TBC1D30: variants seen among roughly 807,000 people sequenced by gnomAD.
TBC1D30 encodes the protein TBC1 domain family, member 30.
TBC1D30 carries 31 observed loss-of-function variants against 63.2 expected under a neutral mutation model. That is an observed-to-expected ratio of 0.49 (90% CI 0.37 to 0.66). TBC1D30 has a LOEUF of 0.66. TBC1D30 is among the 30% of genes least tolerant of loss of function. The pLI, the probability that TBC1D30 is intolerant of heterozygous loss-of-function variation, is 0.00. For synonymous variants in TBC1D30, 307 were observed against 361.5 expected (o/e 0.85, Z 1.71); for missense variants, 810 against 953.6 (o/e 0.85, Z 1.98).
chr12:64,848,376 C>A (rs1398180438), intron 8 of TBC1D30, among the ~76,000 whole-genome samples: 1 of 151,822 alleles, frequency 6.6e-6, no homozygotes, highest in South Asian at 2.1e-4. Flanking sequence ...TGGCCCCCAT[C>A]AACCTGTCAT....
chr12:64,773,555 G>A (rs954796076), intron 1 of TBC1D30, among the ~76,000 whole-genome samples: 2 of 152,202 alleles, frequency 1.3e-5, no homozygotes, highest in African/African-American at 4.8e-5. Context: ...CCCAACTGGG[G>A]TCTTCAGCCA....
intron 2 of TBC1D30, among the ~76,000 whole-genome samples, chr12:64,803,237 A>G (rs991467180): frequency 1.3e-5 from 2 of 152,178 alleles, no homozygotes. Flanking sequence ...TTGCATTTCT[A>G]TGATGGCTAG....
At position 64,878,712 on chromosome 12, in the gene TBC1D30, C is replaced by A; in HGVS notation, c.*2924C>A. On this transcript the variant is annotated 3_prime_UTR_variant, in exon 12 of 12. Transcript: ENST00000539867. ...CTCCCTTCTTCCTTCTTCCTTCACC[C>A]CCAACCCCAGACCCCCCTTGGTCAC... The A allele has an allele frequency of 2.7e-6, 1 of 368,422 alleles. No individual in the cohort carries two copies. The highest frequency in any genetic ancestry group is 7.3e-5 in the East Asian group (1 of 13,624). The allele number at this position is 368,422 out of a possible 1,614,324, so 22.8% of individuals were successfully genotyped here.
intron 2 of TBC1D30, among the ~76,000 whole-genome samples, chr12:64,804,717 C>T (rs995820539): frequency 6.6e-6 from 1 of 152,220 alleles, no homozygotes; most frequent in Admixed American, 6.5e-5. Flanking sequence ...CATTTTTTTC[C>T]TCTAAACCAC....
rs1482976316 is a variant in TBC1D30, at chr12:64,828,512, A to G, written c.282+3A>G. ...TACCAAAGGAATGGAGGAGAAAGGT[A>G]AGGAGGACTCATAGGGCTAGAATAC... On this transcript the variant is annotated splice_donor_region_variant and intron_variant, in intron 3 of 11. Transcript: ENST00000539867. 2 of 1,533,022 alleles carry G rather than the reference A, an allele frequency of 1.3e-6. No homozygotes were observed. Among genetic ancestry groups the G allele is most frequent in the South Asian group, 2.4e-5 (2 of 84,010 alleles). 95.0% of individuals were successfully genotyped at this position (1,533,022 alleles called of 1,614,324 possible). A position where few individuals can be genotyped will look rare whatever the true frequency, so the allele number is the denominator to read the frequency against.
At position 64,786,001 on chromosome 12, in the gene TBC1D30, G is replaced by GT; in HGVS notation, c.600dup (p.Asp201Ter). ...CTTCTGCATAAAGTGCAGAGGAACTGTGATATTGTGACTGCCTGCTTGCAG... is the reference window on the plus strand; with the variant it reads ...CTTCTGCATAAAGTGCAGAGGAACTGTTGATATTGTGACTGCCTGCTTGCAG... On this transcript the variant is annotated frameshift_variant, in exon 2 of 13. Transcript: ENST00000542120. LOFTEE classifies it high-confidence loss of function. 7.8e-7 allele frequency: 1 copy of GT among 1,289,628 alleles called. No homozygotes were observed. The highest frequency in any genetic ancestry group is 1.0e-6 in the Non-Finnish European group (1 of 988,670). The allele number at this position is 1,289,628 out of a possible 1,614,324, so 79.9% of individuals were successfully genotyped here.
rs529566949 is a variant in TBC1D30, at chr12:64,798,977, T to G, written c.643+12932T>G. 2.0e-5 allele frequency among the ~76,000 whole-genome samples: 3 copies of G among 152,098 alleles called. No individual in the cohort carries two copies. The East Asian group carries it at 5.8e-4, about 29-fold the overall frequency. On this transcript the variant is annotated intron_variant, in intron 2 of 12. Coordinates refer to the TBC1D30 transcript ENST00000542120. ...ACAGGCACCCACCACCATGCCCAGCTAATTTTTTGTATTTTTTAGTAGAGA... is the reference window on the plus strand; with the variant it reads ...ACAGGCACCCACCACCATGCCCAGCGAATTTTTTGTATTTTTTAGTAGAGA...
chr12:64,875,291 G>A lies in TBC1D30; in HGVS notation c.1789G>A (p.Glu597Lys), dbSNP rs1472595027. The A allele has an allele frequency of 1.5e-5, 23 of 1,536,184 alleles. No individual in the cohort carries two copies. Among genetic ancestry groups the A allele is most frequent in the South Asian group, 2.4e-5 (2 of 84,066 alleles). Residue 597 changes from glutamate (E) to lysine (K), a missense_variant, in exon 12 of 12, where the codon GAG becomes AAG. By Grantham distance (56) the Glu-to-Lys change is moderately conservative. Transcript: ENST00000539867. ...DTVGLIDEQNEASKTNGLGAA... is the reference protein window; with the variant it reads ...DTVGLIDEQNKASKTNGLGAA... ...CGTAGGGCTGATAGATGAGCAGAAC[G>A]AGGCCAGCAAGACCAATGGGCTGGG... is the stretch of plus-strand genomic sequence containing the variant.
chr12:64,781,298 G>T, intron 1 of TBC1D30: 1 of 1,112,830 alleles, frequency 9.0e-7, no homozygotes, highest in Non-Finnish European at 1.1e-6. Flanking sequence ...TGAGGGCCGG[G>T]CGCAGCAGGG....
intron 1 of TBC1D30, among the ~76,000 whole-genome samples, chr12:64,767,346 C>A (rs576439942): frequency 6.6e-6 from 1 of 152,066 alleles, no homozygotes; most frequent in African/African-American, 2.4e-5. Flanking sequence ...CTGGCCCCTG[C>A]AGAAAGGATC....
chr12:64,843,428 G>A lies in TBC1D30; in HGVS notation c.981G>A (p.Gly327=). Residue 327 remains glycine (G), a synonymous_variant, in exon 8 of 12, where the codon GGG becomes GGA. Coordinates refer to ENST00000539867, the MANE Select transcript of TBC1D30 (RefSeq NM_015279.2). ...ETADEFYSTM[G]RLTQEMLEND... ...CAGATGAATTCTACAGCACCATGGG[G>A]CGCCTTACCCAGGAGATGCTAGAGA... is the stretch of plus-strand genomic sequence containing the variant. 1 of 1,536,312 alleles carries A rather than the reference G, an allele frequency of 6.5e-7. No individual in the cohort carries two copies. Among genetic ancestry groups the A allele is most frequent in the Non-Finnish European group, 8.7e-7 (1 of 1,146,940 alleles).
At chr12:64,776,357 C>A (rs1184942383), upstream of TBC1D30, among the ~76,000 whole-genome samples, 1 of 151,828 alleles carries the variant, frequency 6.6e-6, no homozygotes, top group Non-Finnish European at 1.5e-5. Flanking sequence ...GATAGATAGA[C>A]CACTAGGTAG....
chr12:64,791,137 C>T (rs1165753018), intron 2 of TBC1D30, among the ~76,000 whole-genome samples: 2 of 152,176 alleles, frequency 1.3e-5, no homozygotes, highest in Admixed American at 1.3e-4. Context: ...CATGTTACAT[C>T]ATGGATAAAC....
At chr12:64,759,533 C>A in exon 1 of TBC1D30, 3 of 442,412 alleles carry the variant, frequency 6.8e-6, no homozygotes, top group Non-Finnish European at 8.0e-6. Flanking sequence ...CAGGCAGTGG[C>A]GGAAAAGGGG....
chr12:64,877,984 G>A lies in TBC1D30; in HGVS notation c.*2196G>A, dbSNP rs1144425. On this transcript the variant is annotated 3_prime_UTR_variant, in exon 12 of 12. Coordinates refer to ENST00000539867, the MANE Select transcript of TBC1D30 (RefSeq NM_015279.2). ...TGTACCATTGCTGTCCACAAACTTA[G>A]TATCAACAACACATGCTGTGCCCTG... The A allele has an allele frequency of 0.03, 4,744 of 159,518 alleles. 237 individuals are homozygous for A. The highest frequency in any genetic ancestry group is 0.1 in the African/African-American group (4,267 of 41,746). The allele number at this position is 159,518 out of a possible 1,614,324, so 9.9% of individuals were successfully genotyped here.
intron 8 of TBC1D30, among the ~76,000 whole-genome samples, chr12:64,851,537 T>G (rs1592637690): frequency 6.6e-6 from 1 of 152,224 alleles, no homozygotes; most frequent in East Asian, 1.9e-4. Flanking sequence ...CATTTAAGAT[T>G]AATATTGTTA....
chr12:64,846,781 T>C, intron 8 of TBC1D30, among the ~76,000 whole-genome samples: 1 of 146,024 alleles, frequency 6.8e-6, no homozygotes, highest in South Asian at 2.2e-4. Context: ...TTGCCTTAGG[T>C]AGTATGGACA....
At chr12:64,762,538 C>T (rs1282228562) in intron 1 of TBC1D30, among the ~76,000 whole-genome samples, 1 of 152,002 alleles carries the variant, frequency 6.6e-6, no homozygotes, top group Non-Finnish European at 1.5e-5. Context: ...AAAAGAATAA[C>T]AATTTTAGAT....
intron 7 of TBC1D30, among the ~76,000 whole-genome samples, chr12:64,839,488 G>GGAAGAAGC (rs1675728063): frequency 1.3e-5 from 2 of 152,138 alleles, no homozygotes; most frequent in South Asian, 4.1e-4. Flanking sequence ...TTTGGGTAAC[G>GGAAGAAGC]GAAGAAGCAT....
Sources: allele counts gnomAD v4.1 joint callset (sites outside exome capture counted in the v4.1 genomes callset), GRCh38; gene constraint gnomAD v4.1.1; transcripts MANE v1.5; gene names NCBI Gene and HGNC (gene_info 2026-07-23, HGNC 2026-07-21).